The following CALCR variants were observed in gnomAD, a reference collection of about 807,000 sequenced individuals.
CALCR encodes the protein calcitonin receptor.
A neutral mutation model predicts 59.5 loss-of-function variants in CALCR; 47 were observed. The ratio of observed to expected loss-of-function variants is 0.79; its 90% CI spans 0.63 to 1.01. The LOEUF (loss-of-function observed/expected upper bound fraction) is 1.01, where lower values mean the gene tolerates loss of function less well. Ranked by LOEUF, CALCR falls within the 50% of genes least tolerant of loss-of-function variation. The pLI is 0.00. For synonymous variants in CALCR, 213 were observed against 211.3 expected (o/e 1.01, Z -0.07); for missense variants, 566 against 597.1 (o/e 0.95, Z 0.54).
At chr7:93,495,195 A>G (rs533918420) in intron 2 of CALCR, among the ~76,000 whole-genome samples, 37 of 151,572 alleles carry the variant, frequency 2.4e-4, no homozygotes, top group Non-Finnish European at 4.3e-4. Context: ...GAATGGAAAT[A>G]GGTGATACAG....
intron 2 of CALCR, among the ~76,000 whole-genome samples, chr7:93,536,453 A>G (rs575945696): frequency 1.3e-4 from 20 of 151,986 alleles, no homozygotes; most frequent in African/African-American, 4.8e-4. Flanking sequence ...TTTTGATTTT[A>G]TATAAAGAGT....
At chr7:93,528,796 A>G (rs1314538992) in intron 2 of CALCR, among the ~76,000 whole-genome samples, 2 of 152,146 alleles carry the variant, frequency 1.3e-5, no homozygotes, top group South Asian at 2.1e-4. Flanking sequence ...ATTCTATTTG[A>G]CCACAAGATA....
chr7:93,433,041 G>A (rs1443559283), intron 13 of CALCR, among the ~76,000 whole-genome samples: 1 of 152,162 alleles, frequency 6.6e-6, no homozygotes, highest in Non-Finnish European at 1.5e-5. Flanking sequence ...GAAGGAATGA[G>A]TTGGTAGGTG....
intron 2 of CALCR, among the ~76,000 whole-genome samples, chr7:93,521,723 A>G (rs1315616187): frequency 6.6e-6 from 1 of 152,184 alleles, no homozygotes; most frequent in African/African-American, 2.4e-5. Context: ...AATGATATGA[A>G]GATGCATAGA....
chr7:93,479,514 TA>T lies in CALCR; in HGVS notation c.52-8del. On this transcript the variant is annotated splice_polypyrimidine_tract_variant and splice_region_variant and intron_variant, in intron 3 of 13. Coordinates refer to ENST00000426151, the MANE Select transcript of CALCR (RefSeq NM_001742.4). ...GAAGAATTGGGGTTGGGTGCTGTATTAAAAAGAAAAATCAGTTACTTATAGA... is the reference window on the plus strand; with the variant it reads ...GAAGAATTGGGGTTGGGTGCTGTATTAAAAGAAAAATCAGTTACTTATAGA... 6.2e-7 allele frequency: 1 copy of T among 1,607,738 alleles called. No homozygotes were observed. The highest frequency in any genetic ancestry group is 8.5e-7 in the Non-Finnish European group (1 of 1,177,452).
At chr7:93,512,528 T>A (rs1801567922) in intron 2 of CALCR, among the ~76,000 whole-genome samples, 1 of 152,148 alleles carries the variant, frequency 6.6e-6, no homozygotes. Context: ...AAAATGCACA[T>A]AAGATGAGAC....
intron 2 of CALCR, among the ~76,000 whole-genome samples, chr7:93,540,314 C>T (rs1306807205): frequency 6.6e-6 from 1 of 152,066 alleles, no homozygotes; most frequent in African/African-American, 2.4e-5. Flanking sequence ...TACATTGGCC[C>T]ATTTGAATAC....
At chr7:93,526,200 T>C (rs1275945639) in intron 2 of CALCR, among the ~76,000 whole-genome samples, 1 of 152,160 alleles carries the variant, frequency 6.6e-6, no homozygotes, top group African/African-American at 2.4e-5. Flanking sequence ...TTTGTATGTT[T>C]GTTTAAGTGA....
At chr7:93,527,623 A>T (rs1788699464) in intron 2 of CALCR, among the ~76,000 whole-genome samples, 1 of 152,168 alleles carries the variant, frequency 6.6e-6, no homozygotes, top group African/African-American at 2.4e-5. Context: ...CAAATAACTG[A>T]CTGGTTCTAG....
chr7:93,567,965 G>T (rs1345002904), intron 2 of CALCR, among the ~76,000 whole-genome samples: 1 of 152,034 alleles, frequency 6.6e-6, no homozygotes, highest in Non-Finnish European at 1.5e-5. Context: ...ATTATTGAGG[G>T]CAGGGGCTTA....
At chr7:93,526,637 T>C (rs1156232686) in intron 2 of CALCR, among the ~76,000 whole-genome samples, 1 of 152,108 alleles carries the variant, frequency 6.6e-6, no homozygotes, top group African/African-American at 2.4e-5. Context: ...TGTAAAGTGA[T>C]AATATATGAA....
chr7:93,465,058 A>G (rs1305624518), intron 7 of CALCR, among the ~76,000 whole-genome samples: 1 of 151,956 alleles, frequency 6.6e-6, no homozygotes, highest in East Asian at 1.9e-4. Flanking sequence ...TTTCCAACCT[A>G]TATTTCTATC....
At chr7:93,427,617 G>T (rs1799558011) in intron 13 of CALCR, among the ~76,000 whole-genome samples, 1 of 152,138 alleles carries the variant, frequency 6.6e-6, no homozygotes, top group African/African-American at 2.4e-5. Flanking sequence ...GTAACTACTT[G>T]ATCATGGGGA....
intron 7 of CALCR, among the ~76,000 whole-genome samples, chr7:93,466,451 T>C (rs1800442648): frequency 6.6e-6 from 1 of 151,944 alleles, no homozygotes; most frequent in Non-Finnish European, 1.5e-5. Flanking sequence ...ATGCCCTTTA[T>C]ATTTTTAGTT....
At chr7:93,568,541 CTCTCTCTCTCTCTCTG>C (rs1293711859) in intron 2 of CALCR, among the ~76,000 whole-genome samples, 5 of 150,478 alleles carry the variant, frequency 3.3e-5, no homozygotes, top group African/African-American at 1.2e-4. Context: ...CTCTCTCTCT[CTCTCTCTCTCTCTCTG>C]TCTCTCTCCT....
chr7:93,541,770 T>A (rs1223358866), intron 2 of CALCR, among the ~76,000 whole-genome samples: 2 of 152,208 alleles, frequency 1.3e-5, no homozygotes, highest in Non-Finnish European at 2.9e-5. Context: ...TGGCTGGAAC[T>A]ATTCACCCTT....
chr7:93,434,269 C>G lies in CALCR; in HGVS notation c.1175G>C (p.Cys392Ser). Residue 392 changes from cysteine to serine, a missense_variant, in exon 13 of 14, where the codon TGC becomes TCC. Coordinates refer to ENST00000426151, the MANE Select transcript of CALCR (RefSeq NM_001742.4). ...CATGCTTACCTCATTGTTGCAGAAG[C>G]AGTAGATGGTCGCAACAAAGAAGCC... is the stretch of plus-strand genomic sequence containing the variant. ...FQGFFVATIY[C>S]FCNNEVQTTV... is the part of the protein sequence containing the mutation. 6.2e-7 allele frequency: 1 copy of G among 1,610,120 alleles called. No homozygotes were observed. Among genetic ancestry groups the G allele is most frequent in the Non-Finnish European group, 8.5e-7 (1 of 1,177,208 alleles).
chr7:93,437,447 A>C (rs548751460), intron 11 of CALCR, among the ~76,000 whole-genome samples: 1 of 152,188 alleles, frequency 6.6e-6, no homozygotes, highest in Non-Finnish European at 1.5e-5. Flanking sequence ...ATTTAATCTA[A>C]CTTTTCCCTT....
chr7:93,484,681 G>A (rs191785767), intron 3 of CALCR, among the ~76,000 whole-genome samples: 7 of 151,792 alleles, frequency 4.6e-5, no homozygotes, highest in East Asian at 2.0e-4. Flanking sequence ...TATAAACAAC[G>A]AAACTGCATA....
Sources: gnomAD v4.1 joint callset for allele counts (sites outside exome capture counted in the v4.1 genomes callset) on GRCh38, gnomAD v4.1.1 for gene constraint, MANE v1.5 for transcripts, NCBI Gene and HGNC (gene_info 2026-07-23, HGNC 2026-07-21) for gene names.